The following PALM2AKAP2 variants were observed in gnomAD, a reference collection of about 807,000 sequenced individuals.
The protein encoded by PALM2AKAP2 is PALM2 and AKAP2 fusion, also known as PALM2-AKAP2 fusion protein.
PALM2AKAP2 carries 37 observed loss-of-function variants against 71.5 expected under a neutral mutation model. The observed-to-expected ratio is 0.52, with a 90% CI of 0.40 to 0.68. PALM2AKAP2 has a LOEUF of 0.68. Ranked by LOEUF, PALM2AKAP2 falls within the 30% of genes least tolerant of loss-of-function variation. The pLI is 0.00. For synonymous variants in PALM2AKAP2, 468 were observed against 478.8 expected (o/e 0.98, Z 0.29); for missense variants, 1,224 against 1,191.8 (o/e 1.03, Z -0.40).
chr9:109,896,069 C>T (rs1564199627), intron 3 of PALM2AKAP2, among the ~76,000 whole-genome samples: 2 of 152,100 alleles, frequency 1.3e-5, no homozygotes, highest in African/African-American at 4.8e-5. Flanking sequence ...CCTGTAATCC[C>T]AGCTACTTGG....
chr9:110,125,758 G>C (rs1294118593), intron 1 of PALM2AKAP2, among the ~76,000 whole-genome samples: 1 of 150,998 alleles, frequency 6.6e-6, no homozygotes, highest in African/African-American at 2.4e-5. Flanking sequence ...AGCTCAGACT[G>C]GTGTCTTGCT....
chr9:109,904,562 T>C (rs1830402550), intron 3 of PALM2AKAP2, among the ~76,000 whole-genome samples: 1 of 152,184 alleles, frequency 6.6e-6, no homozygotes, highest in Non-Finnish European at 1.5e-5. Flanking sequence ...TAGTCTGTCT[T>C]GAACTCTCTT....
At chr9:110,089,712 A>G (rs1280200856) in intron 1 of PALM2AKAP2, among the ~76,000 whole-genome samples, 2 of 152,036 alleles carry the variant, frequency 1.3e-5, no homozygotes, top group African/African-American at 2.4e-5. Flanking sequence ...CCCTTTTTGC[A>G]CCTGCCTCTT....
In PALM2AKAP2 at chr9:110,128,804, G is replaced by A. The variant is rs180761864; in HGVS notation, c.157-7323G>A. Among the ~76,000 whole-genome samples the A allele has an allele frequency of 7.6e-4, 116 of 152,362 alleles. 1 individual carries two copies. Among genetic ancestry groups the A allele is most frequent in the African/African-American group, 2.7e-3 (112 of 41,576 alleles). On this transcript the variant is annotated intron_variant, in intron 1 of 3. Coordinates refer to ENST00000374525, the Ensembl canonical transcript of PALM2AKAP2. ...CCTTTCTGCTCTCCGCCTGGGCTCA[G>A]GCAGACCTGCTAAGGAAAATGCACT...
chr9:109,765,456 CATCATG>C lies in PALM2AKAP2; in HGVS notation c.6-15014_6-15009del, dbSNP rs201182184. ...TCATCACCATCATCATGATCACCAT[CATCATG>C]ATCATGATCATGATCATCATCATCA... On this transcript the variant is annotated intron_variant, in intron 1 of 6. Coordinates refer to the PALM2AKAP2 transcript ENST00000374531. 142 of 141,858 alleles carry C rather than the reference CATCATG, an allele frequency of 1.0e-3. 1 individual carries two copies. Among genetic ancestry groups the C allele is most frequent in the Middle Eastern group, 3.7e-3 (1 of 270 alleles). The allele number at this position is 141,858 out of a possible 1,614,324, so 8.8% of individuals were successfully genotyped here.
At chr9:109,914,036 G>A (rs1371275550) in intron 3 of PALM2AKAP2, among the ~76,000 whole-genome samples, 4 of 152,116 alleles carry the variant, frequency 2.6e-5, no homozygotes, top group Non-Finnish European at 4.4e-5. Context: ...GATTACAGGC[G>A]TGAACCACCG....
At chr9:109,828,324 G>A (rs1828210113) in intron 1 of PALM2AKAP2, among the ~76,000 whole-genome samples, 1 of 152,150 alleles carries the variant, frequency 6.6e-6, no homozygotes, top group Admixed American at 6.6e-5. Flanking sequence ...TTTCAAATGT[G>A]ACTTGACCAA....
At chr9:110,155,529 A>G (rs931625465) in intron 2 of PALM2AKAP2, among the ~76,000 whole-genome samples, 8 of 152,136 alleles carry the variant, frequency 5.3e-5, no homozygotes, top group African/African-American at 1.9e-4. Flanking sequence ...TGAATTAATC[A>G]CTGACCTCAT....
At chr9:109,740,399 G>C (rs1224390741) in intron 1 of PALM2AKAP2, among the ~76,000 whole-genome samples, 3 of 152,176 alleles carry the variant, frequency 2.0e-5, no homozygotes, top group Non-Finnish European at 4.4e-5. Context: ...GGTTAAAAAG[G>C]CTTCTTTGCT....
At chr9:109,876,356 A>G (rs906071871) in intron 2 of PALM2AKAP2, among the ~76,000 whole-genome samples, 2 of 152,200 alleles carry the variant, frequency 1.3e-5, no homozygotes, top group Admixed American at 6.5e-5. Context: ...ATTTCCCCTG[A>G]AAGCATGACT....
At chr9:109,894,024 T>TAAAAAAAAAA in intron 3 of PALM2AKAP2, among the ~76,000 whole-genome samples, 1 of 132,860 alleles carries the variant, frequency 7.5e-6, no homozygotes, top group African/African-American at 2.8e-5. Flanking sequence ...GTTGCTTATT[T>TAAAAAAAAAA]AAAAAAAAAA....
intron 1 of PALM2AKAP2, among the ~76,000 whole-genome samples, chr9:109,851,476 T>C (rs1202371775): frequency 6.6e-6 from 1 of 152,160 alleles, no homozygotes; most frequent in Non-Finnish European, 1.5e-5. Flanking sequence ...ATGGTATTAA[T>C]AGCCAGAGGT....
intron 6 of PALM2AKAP2, among the ~76,000 whole-genome samples, chr9:109,986,394 G>T (rs754501652): frequency 6.6e-6 from 1 of 152,156 alleles, no homozygotes; most frequent in Non-Finnish European, 1.5e-5. Flanking sequence ...CCTTGAAAGA[G>T]AAATTCCAAA....
chr9:109,757,890 T>C (rs1199155542), intron 1 of PALM2AKAP2, among the ~76,000 whole-genome samples: 1 of 152,082 alleles, frequency 6.6e-6, no homozygotes, highest in Non-Finnish European at 1.5e-5. Context: ...TCTATTTCAT[T>C]TTTTCTTTAC....
intron 1 of PALM2AKAP2, among the ~76,000 whole-genome samples, chr9:110,091,349 T>G (rs1834700389): frequency 6.6e-6 from 1 of 152,094 alleles, no homozygotes; most frequent in African/African-American, 2.4e-5. Context: ...AATTTACATG[T>G]GCTGACTTAT....
chr9:109,701,240 C>T (rs1287955601), intron 1 of PALM2AKAP2, among the ~76,000 whole-genome samples: 2 of 152,166 alleles, frequency 1.3e-5, no homozygotes, highest in South Asian at 2.1e-4. Context: ...TTGGAAAAAA[C>T]TACTTTAAAG....
chr9:109,663,381 A>C (rs1382078441), intron 1 of PALM2AKAP2, among the ~76,000 whole-genome samples: 1 of 152,114 alleles, frequency 6.6e-6, no homozygotes, highest in African/African-American at 2.4e-5. Context: ...ATTCTGGTAC[A>C]CTGTGTCTTT....
At chr9:109,657,306 C>T (rs572384306) in intron 1 of PALM2AKAP2, among the ~76,000 whole-genome samples, 3 of 152,312 alleles carry the variant, frequency 2.0e-5, no homozygotes, top group African/African-American at 7.2e-5. Context: ...AATATCATGA[C>T]TGATTGGTTT....
intron 3 of PALM2AKAP2, among the ~76,000 whole-genome samples, chr9:110,162,511 A>G (rs897616041): frequency 6.6e-6 from 1 of 152,224 alleles, no homozygotes; most frequent in Non-Finnish European, 1.5e-5. Context: ...AGTGCAGCTC[A>G]TGCAGATTGA....
Sources: gnomAD v4.1 joint callset for allele counts (sites outside exome capture counted in the v4.1 genomes callset) on GRCh38, gnomAD v4.1.1 for gene constraint, MANE v1.5 for transcripts, NCBI Gene and HGNC (gene_info 2026-07-23, HGNC 2026-07-21) for gene names.